DENND5A: variants seen among roughly 807,000 people sequenced by gnomAD.
DENND5A encodes the protein DENN domain-containing protein 5A.
DENND5A carries 64 observed loss-of-function variants against 140.3 expected under a neutral mutation model. The observed-to-expected ratio is 0.46, with a 90% CI of 0.37 to 0.56. DENND5A has a LOEUF of 0.56. Among genes scored for constraint, DENND5A ranks in the 20% least tolerant of loss-of-function variants. DENND5A has a pLI of 0.00. For missense variants in DENND5A, 1,292 were observed against 1,593.8 expected, an observed-to-expected ratio of 0.81 and a Z score of 3.22; for synonymous variants, 605 against 607.7, an observed-to-expected ratio of 1.00 and a Z score of 0.07.
At chr11:9,152,222 G>T (rs1243501013) in intron 13 of DENND5A, 136 bp downstream of exon 13, 2 of 709,840 alleles carry the variant, frequency 2.8e-6, no homozygotes, top group Non-Finnish European at 2.6e-6. Context: ...GAGTCTGGTG[G>T]CTCCATATTT....
chr11:9,216,848 G>C (rs529906832), intron 1 of DENND5A, among the ~76,000 whole-genome samples: 63 of 152,254 alleles, frequency 4.1e-4, no homozygotes, highest in African/African-American at 1.5e-3. Context: ...TCCAGCCTGG[G>C]TGACAGAACA....
At chr11:9,160,556 G>A (rs747508715) in intron 12 of DENND5A, among the ~76,000 whole-genome samples, 157 bp downstream of exon 12, 1 of 152,192 alleles carries the variant, frequency 6.6e-6, no homozygotes, top group Non-Finnish European at 1.5e-5. Flanking sequence ...AAAATAGTTT[G>A]GATCACATTT....
intron 1 of DENND5A, among the ~76,000 whole-genome samples, chr11:9,211,971 C>CA (rs1849897738): frequency 1.4e-5 from 2 of 147,976 alleles, no homozygotes; most frequent in Admixed American, 6.8e-5. Context: ...AGAGAACAGA[C>CA]ATTACAATGC....
intron 5 of DENND5A, among the ~76,000 whole-genome samples, chr11:9,189,079 G>A (rs1303840650): frequency 6.6e-6 from 1 of 152,172 alleles, no homozygotes; most frequent in African/African-American, 2.4e-5. Flanking sequence ...TCCCCATGCT[G>A]TGTGCAGCCT....
chr11:9,179,144 ATTTT>A, intron 6 of DENND5A, 71 bp from the exon 7 acceptor site: 1 of 1,383,720 alleles, frequency 7.2e-7, no homozygotes, highest in Non-Finnish European at 1.0e-6. Flanking sequence ...GCAATTCCTG[ATTTT>A]TTTATCTGAT....
At chr11:9,223,258 G>T (rs147421647) in intron 1 of DENND5A, among the ~76,000 whole-genome samples, 72 of 151,918 alleles carry the variant, frequency 4.7e-4, no homozygotes, top group African/African-American at 1.5e-3. Flanking sequence ...CTGGGTGCGG[G>T]GTCTCACGCC....
At chr11:9,261,348 T>C (rs1430832647) in intron 1 of DENND5A, among the ~76,000 whole-genome samples, 1 of 152,194 alleles carries the variant, frequency 6.6e-6, no homozygotes, top group Non-Finnish European at 1.5e-5. Flanking sequence ...AGAACCTGGC[T>C]ACAAATTACA....
chr11:9,195,700 C>A (rs937663541), intron 4 of DENND5A, among the ~76,000 whole-genome samples: 7 of 152,142 alleles, frequency 4.6e-5, no homozygotes, highest in African/African-American at 1.7e-4. Context: ...CATTTGCTCA[C>A]TAATAAAGCT....
chr11:9,234,109 C>T (rs554052988), intron 1 of DENND5A, among the ~76,000 whole-genome samples: 1 of 150,854 alleles, frequency 6.6e-6, no homozygotes, highest in Non-Finnish European at 1.5e-5. Context: ...ATCCAGGAGG[C>T]GGAGGCTGCA....
intron 5 of DENND5A, among the ~76,000 whole-genome samples, chr11:9,190,754 C>A (rs1849094566): frequency 6.6e-6 from 1 of 152,126 alleles, no homozygotes; most frequent in South Asian, 2.1e-4. Context: ...AAGTAGTTAT[C>A]TCTGGGTGGT....
At chr11:9,140,169 G>C (rs1847190640) in intron 22 of DENND5A, 1 of 1,393,200 alleles carries the variant, frequency 7.2e-7, no homozygotes. Context: ...CCACCACCAG[G>C]AATAATAATA....
At chr11:9,165,247 G>C (rs1848148841) in intron 11 of DENND5A, among the ~76,000 whole-genome samples, 1 of 152,078 alleles carries the variant, frequency 6.6e-6, no homozygotes, top group South Asian at 2.1e-4. Context: ...TGATCTGCCT[G>C]CCTCAGCCTC....
At chr11:9,240,593 G>A (rs930347380) in intron 1 of DENND5A, among the ~76,000 whole-genome samples, 1 of 151,828 alleles carries the variant, frequency 6.6e-6, no homozygotes, top group African/African-American at 2.4e-5. Flanking sequence ...GCCTGTAGTC[G>A]CAGCTACTCA....
chr11:9,168,092 A>ATTTTTTTTTTT (rs11285106), intron 10 of DENND5A, among the ~76,000 whole-genome samples: 16 of 141,984 alleles, frequency 1.1e-4, no homozygotes, highest in African/African-American at 2.6e-4. Flanking sequence ...AACCTCAGTG[A>ATTTTTTTTTTT]TTTTTTTTTT....
At chr11:9,250,784 T>G (rs7130037) in intron 1 of DENND5A, among the ~76,000 whole-genome samples, 7,015 of 152,288 alleles carry the variant, frequency 0.046, 517 homozygotes, top group African/African-American at 0.16. Flanking sequence ...TTTGATTCTG[T>G]GACCAATATA....
At chr11:9,214,540 TG>T (rs1300807222) in intron 1 of DENND5A, among the ~76,000 whole-genome samples, 1 of 152,204 alleles carries the variant, frequency 6.6e-6, no homozygotes, top group Non-Finnish European at 1.5e-5. Flanking sequence ...CACATGAAAT[TG>T]ATTTTACAAC....
intron 1 of DENND5A, among the ~76,000 whole-genome samples, chr11:9,241,601 C>T (rs1174583219): frequency 6.6e-6 from 1 of 152,200 alleles, no homozygotes; most frequent in Non-Finnish European, 1.5e-5. Flanking sequence ...CTCGCACAGG[C>T]TCTTCTCTCT....
At chr11:9,219,414 T>C (rs539341482) in intron 1 of DENND5A, among the ~76,000 whole-genome samples, 1 of 152,174 alleles carries the variant, frequency 6.6e-6, no homozygotes, top group Non-Finnish European at 1.5e-5. Context: ...CTCAAAATTC[T>C]GTGGGAAAAT....
intron 11 of DENND5A, among the ~76,000 whole-genome samples, chr11:9,164,675 A>G (rs1848125868): frequency 6.6e-6 from 1 of 152,168 alleles, no homozygotes; most frequent in South Asian, 2.1e-4. Flanking sequence ...ACGGAATGAC[A>G]CATTTTAGCC....
Sources: gnomAD v4.1 joint callset for allele counts (sites outside exome capture counted in the v4.1 genomes callset) on GRCh38, gnomAD v4.1.1 for gene constraint, MANE v1.5 for transcripts, NCBI Gene and HGNC (gene_info 2026-07-23, HGNC 2026-07-21) for gene names.